The following KCNRG variants were observed in gnomAD, a reference collection of about 807,000 sequenced individuals.
KCNRG encodes potassium channel regulatory protein.
In KCNRG, 17 loss-of-function variants were observed where a neutral mutation model predicts 17.7. The ratio of observed to expected loss-of-function variants is 0.96; its 90% CI spans 0.66 to 1.44. KCNRG has a LOEUF of 1.44. Among genes scored for constraint, KCNRG ranks in the 40% most tolerant of loss-of-function variants. The pLI, the probability that KCNRG is intolerant of heterozygous loss-of-function variation, is 0.00. For synonymous variants in KCNRG, 97 were observed against 116.5 expected (o/e 0.83, Z 1.08); for missense variants, 311 against 321.1 (o/e 0.97, Z 0.24).
Position 50,020,724 on chromosome 13 carries a change from C to T in KCNRG, c.*270C>T, listed in dbSNP as rs1393902717. The T allele has an allele frequency of 2.6e-5, 9 of 339,700 alleles. No homozygotes were observed. The highest frequency in any genetic ancestry group is 4.4e-5 in the Non-Finnish European group (8 of 182,230). The allele number at this position is 339,700 out of a possible 1,614,324, so 21.0% of individuals were successfully genotyped here. A position where few individuals can be genotyped will look rare whatever the true frequency, so the allele number is the denominator to read the frequency against. ...CATGAATGCTTATGAGCCGAGATTG[C>T]GCCACTGCACACTAGCTTGGGTGAC... On this transcript the variant is annotated 3_prime_UTR_variant, in exon 2 of 2. Coordinates refer to ENST00000312942, the MANE Select transcript of KCNRG (RefSeq NM_173605.2).
chr13:50,018,128 T>C (rs1381641662), intron 1 of KCNRG: 1 of 167,102 alleles, frequency 6.0e-6, no homozygotes, highest in Admixed American at 6.5e-5. Flanking sequence ...TGCTTTTAAA[T>C]GTTAAAAATA....
intron 1 of KCNRG, chr13:50,016,962 C>CGACA (rs1027627754): frequency 3.6e-5 from 6 of 166,314 alleles, no homozygotes; most frequent in African/African-American, 1.5e-4. Context: ...TCTCTCTTAG[C>CGACA]GACACACTCC....
intron 1 of KCNRG, among the ~76,000 whole-genome samples, chr13:50,019,349 G>C (rs1566453689): frequency 1.3e-5 from 2 of 152,034 alleles, no homozygotes; most frequent in African/African-American, 2.4e-5. Context: ...ACCCCAAGTT[G>C]TGCTCTTTGA....
intron 1 of KCNRG, among the ~76,000 whole-genome samples, chr13:50,019,180 T>G (rs113779715): frequency 7.9e-5 from 12 of 152,052 alleles, no homozygotes; most frequent in African/African-American, 2.7e-4. Flanking sequence ...AGTCTCGCTC[T>G]GTCACCCAGG....
intron 1 of KCNRG, 59 bp downstream of exon 1, chr13:50,016,130 A>T: frequency 7.7e-7 from 1 of 1,298,280 alleles, no homozygotes; most frequent in East Asian, 2.4e-5. Flanking sequence ...TTCTCTAAAA[A>T]CTTGAAGTTC....
At chr13:50,019,779 T>C (rs552211321) in intron 1 of KCNRG, among the ~76,000 whole-genome samples, 1 of 152,146 alleles carries the variant, frequency 6.6e-6, no homozygotes, top group Non-Finnish European at 1.5e-5. Context: ...GGCTCATGCA[T>C]GTAATCCCAG....
Position 50,020,436 on chromosome 13 carries a change from A to G in KCNRG, c.801A>G (p.Gln267=), listed in dbSNP as rs759657388. The change falls in exon 2 of 2, where the codon CAA becomes CAG. Residue 267 remains glutamine (Q), a synonymous_variant. Coordinates refer to ENST00000312942, the MANE Select transcript of KCNRG (RefSeq NM_173605.2). ...CAGAGACTATCATCATACCAGAGCAATCTCAGATAAAGAAATGAAGTTGTC... is the reference window on the plus strand; with the variant it reads ...CAGAGACTATCATCATACCAGAGCAGTCTCAGATAAAGAAATGAAGTTGTC... ...PKPETIIIPE[Q]SQIKK 8.7e-6 allele frequency: 14 copies of G among 1,612,348 alleles called. No homozygotes were observed. The highest frequency in any genetic ancestry group is 1.1e-5 in the Non-Finnish European group (13 of 1,179,478).
In KCNRG at chr13:50,015,771, C is replaced by G; in HGVS notation, c.278C>G (p.Ser93Cys). ...GAGGCTCTTTTCTATGAACTTCGTT[C>G]TCTAGTTGATCTCTTAAACCCATAC... ...QREALFYELR[S>C]LVDLLNPYLL... Residue 93 changes from serine (S) to cysteine (C), a missense_variant, in exon 1 of 2, where the codon TCT becomes TGT. Physicochemically the swap from Ser to Cys is moderately radical, Grantham distance 112. Transcript: ENST00000312942. 1 of 1,614,088 alleles carries G rather than the reference C, an allele frequency of 6.2e-7. No homozygotes were observed. Among genetic ancestry groups the G allele is most frequent in the Non-Finnish European group, 8.5e-7 (1 of 1,179,988 alleles).
rs78125350 is a variant in KCNRG, at chr13:50,016,124, C to G, written c.578+53C>G. The G allele has an allele frequency of 5.1e-6, 7 of 1,372,140 alleles. No homozygotes were observed. The African/African-American group carries it at 8.7e-5, about 17-fold the overall frequency. 85.0% of individuals were successfully genotyped at this position (1,372,140 alleles called of 1,614,324 possible). On this transcript the variant is annotated intron_variant, in intron 1 of 1. Coordinates refer to ENST00000312942, the MANE Select transcript of KCNRG (RefSeq NM_173605.2). Reference sequence around the variant, plus strand: ...TGTATACCAGTTTGTGATGTTTTCTCTAAAAACTTGAAGTTCCTCAGGCCT... The same window carrying G: ...TGTATACCAGTTTGTGATGTTTTCTGTAAAAACTTGAAGTTCCTCAGGCCT...
chr13:50,016,893 G>A (rs180747180), intron 1 of KCNRG: 56 of 162,726 alleles, frequency 3.4e-4, no homozygotes, highest in Non-Finnish European at 5.6e-4. Context: ...AAAGGTAGGC[G>A]TATTTTAAGA....
At chr13:50,019,752 T>C (rs1327295774) in intron 1 of KCNRG, among the ~76,000 whole-genome samples, 1 of 151,990 alleles carries the variant, frequency 6.6e-6, no homozygotes, top group Non-Finnish European at 1.5e-5. Context: ...ATTACTGATT[T>C]GGTAGCCTAG....
intron 1 of KCNRG, chr13:50,016,372 G>A: frequency 3.4e-6 from 1 of 291,642 alleles, no homozygotes; most frequent in Non-Finnish European, 6.8e-6. Flanking sequence ...ATGTTCCATT[G>A]CTAATGAATT....
intron 1 of KCNRG, among the ~76,000 whole-genome samples, chr13:50,020,003 A>G: frequency 6.6e-6 from 1 of 151,696 alleles, no homozygotes; most frequent in East Asian, 1.9e-4. Context: ...ACACCACTAC[A>G]CACCAGTCTG....
intron 1 of KCNRG, chr13:50,018,330 T>C (rs958288354): frequency 1.8e-5 from 3 of 166,716 alleles, no homozygotes; most frequent in African/African-American, 7.2e-5. Context: ...TTTTATGAGA[T>C]GTTCTGTAAC....
rs1876476499 is a variant in KCNRG at position 50,015,866 on chromosome 13, G to T, written c.373G>T (p.Val125Leu). 1 of 1,614,090 alleles carries T rather than the reference G, an allele frequency of 6.2e-7. No individual in the cohort carries two copies. Among genetic ancestry groups the T allele is most frequent in the Non-Finnish European group, 8.5e-7 (1 of 1,179,980 alleles). Residue 125 changes from valine (V) to leucine (L), a missense_variant, in exon 1 of 2, where the codon GTG becomes TTG. Physicochemically the swap from Val to Leu is conservative, Grantham distance 32. Coordinates refer to ENST00000312942, the MANE Select transcript of KCNRG (RefSeq NM_173605.2). ...LSRNTQAFFR[V>L]FGSCSKTIEM... ...CCGGAACACTCAAGCTTTTTTCAGG[G>T]TGTTTGGCTCTTGCAGCAAAACAAT...
Position 50,018,323 on chromosome 13 carries a change from T to C in KCNRG, c.579-1891T>C, listed in dbSNP as rs150929481. 8.6e-3 allele frequency: 1,437 copies of C among 166,852 alleles called. 54 individuals carry two copies. The East Asian group carries it at 0.13, about 16-fold the overall frequency. 10.3% of individuals were successfully genotyped at this position (166,852 alleles called of 1,614,324 possible). On this transcript the variant is annotated intron_variant, in intron 1 of 1. Transcript: ENST00000312942. ...TATACTATTTGTATCTTAATTCTTT[T>C]ATGAGATGTTCTGTAACATTTTTCT...
In KCNRG at chr13:50,015,686, T is replaced by C; in HGVS notation, c.193T>C (p.Leu65=). ...GDLFSFILDF[L]RTHQLLLPTE... ...TTTGTTTAGTTTCATCTTAGATTTTTTGAGAACTCACCAGCTTTTATTACC... is the reference window on the plus strand; with the variant it reads ...TTTGTTTAGTTTCATCTTAGATTTTCTGAGAACTCACCAGCTTTTATTACC... The change falls in exon 1 of 2, where the codon TTG becomes CTG. Residue 65 remains leucine, a synonymous_variant. Coordinates refer to ENST00000312942, the MANE Select transcript of KCNRG (RefSeq NM_173605.2). 1 of 1,614,178 alleles carries C rather than the reference T, an allele frequency of 6.2e-7. No individual in the cohort carries two copies. The highest frequency in any genetic ancestry group is 1.1e-5 in the South Asian group (1 of 91,082).
rs200474686 is a variant in KCNRG, at chr13:50,015,768, G to T, written c.275G>T (p.Arg92Leu). The change falls in exon 1 of 2, where the codon CGT (arginine) becomes CTT (leucine). Residue 92 changes from arginine (R) to leucine (L), a missense_variant. Arg to Leu is a moderately radical substitution (Grantham distance 102). Coordinates refer to ENST00000312942, the MANE Select transcript of KCNRG (RefSeq NM_173605.2). ...LQREALFYEL[R>L]SLVDLLNPYL... ...AGAGAGGCTCTTTTCTATGAACTTC[G>T]TTCTCTAGTTGATCTCTTAAACCCA... 4.3e-6 allele frequency: 7 copies of T among 1,613,928 alleles called. No individual in the cohort carries two copies. The highest frequency in any genetic ancestry group is 4.0e-5 in the African/African-American group (3 of 74,884).
chr13:50,019,760 T>TGTG (rs1414143708), intron 1 of KCNRG, among the ~76,000 whole-genome samples: 2 of 151,962 alleles, frequency 1.3e-5, no homozygotes, highest in African/African-American at 4.8e-5. Context: ...TTTGGTAGCC[T>TGTG]AGCACGGTGG....
Sources: gnomAD v4.1 joint callset for allele counts (sites outside exome capture counted in the v4.1 genomes callset) on GRCh38, gnomAD v4.1.1 for gene constraint, MANE v1.5 for transcripts, NCBI Gene and HGNC (gene_info 2026-07-23, HGNC 2026-07-21) for gene names.